ASZ1: variants seen among roughly 807,000 people sequenced by gnomAD.
The protein encoded by ASZ1 is ankyrin repeat, SAM and basic leucine zipper domain-containing protein 1.
A neutral mutation model predicts 61.8 loss-of-function variants in ASZ1; 67 were observed. That is an observed-to-expected ratio of 1.08 (90% CI 0.89 to 1.33). The LOEUF (loss-of-function observed/expected upper bound fraction) is 1.33. Among genes scored for constraint, ASZ1 ranks in the 40% most tolerant of loss-of-function variants. ASZ1 has a pLI of 0.00. For missense variants in ASZ1, 577 were observed against 554.5 expected (o/e 1.04, Z -0.41); for synonymous variants, 193 against 192.7 (o/e 1.00, Z -0.01).
At chr7:117,427,287 T>TG (rs1204611699) in intron 1 of ASZ1, 69 bp downstream of exon 1, 2 of 1,520,368 alleles carry the variant, frequency 1.3e-6, no homozygotes, top group Non-Finnish European at 1.8e-6. Context: ...TTCACGAGGC[T>TG]GGGCCTCGCC....
At chr7:117,387,987 T>C (rs1338391448) in intron 4 of ASZ1, among the ~76,000 whole-genome samples, 1 of 152,180 alleles carries the variant, frequency 6.6e-6, no homozygotes, top group Admixed American at 6.5e-5. Flanking sequence ...CAGTACAGAT[T>C]ATCCAGATTT....
chr7:117,412,546 T>C (rs1775409272), intron 4 of ASZ1, among the ~76,000 whole-genome samples: 1 of 151,898 alleles, frequency 6.6e-6, no homozygotes, highest in Admixed American at 6.6e-5. Context: ...TTTCCAAAGG[T>C]ATCTTCTGTT....
At chr7:117,369,791 G>GC (rs1796014544) in intron 10 of ASZ1, among the ~76,000 whole-genome samples, 1 of 152,156 alleles carries the variant, frequency 6.6e-6, no homozygotes, top group Non-Finnish European at 1.5e-5. Context: ...AAAACAGTGG[G>GC]ATAAAAGAAA....
chr7:117,387,410 C>T (rs1243092625), intron 4 of ASZ1, among the ~76,000 whole-genome samples: 1 of 152,134 alleles, frequency 6.6e-6, no homozygotes, highest in Non-Finnish European at 1.5e-5. Flanking sequence ...ATTAACCATT[C>T]GAATTCAAAT....
intron 10 of ASZ1, among the ~76,000 whole-genome samples, chr7:117,369,086 A>T (rs996488349): frequency 4.6e-5 from 7 of 152,196 alleles, no homozygotes; most frequent in African/African-American, 1.7e-4. Context: ...TATAGGATAG[A>T]TGTTGTTAAT....
intron 11 of ASZ1, 37 bp from the exon 12 acceptor site, chr7:117,367,502 G>C: frequency 7.3e-7 from 1 of 1,370,794 alleles, no homozygotes; most frequent in Non-Finnish European, 9.5e-7. Flanking sequence ...TTAAATAATG[G>C]AAATAACTTT....
rs1176771722 is a variant in ASZ1 at position 117,385,828 on chromosome 7, G to A, written c.441-19C>T. 1.3e-6 allele frequency: 2 copies of A among 1,564,870 alleles called. No homozygotes were observed. Among genetic ancestry groups the A allele is most frequent in the Admixed American group, 1.7e-5 (1 of 59,536 alleles). The stretch of plus-strand genomic sequence containing the variant: ...AAGTCTCCTAAGGAGGAGGAAGAAA[G>A]GAAACATTTGTGTTAATGCTGCCAT... On this transcript the variant is annotated intron_variant, in intron 4 of 12. Transcript: ENST00000284629.
intron 10 of ASZ1, among the ~76,000 whole-genome samples, chr7:117,377,096 C>T (rs954775362): frequency 4.6e-5 from 7 of 151,964 alleles, no homozygotes; most frequent in African/African-American, 1.7e-4. Flanking sequence ...AGTCGAGACA[C>T]AAAAATCAAT....
chr7:117,370,582 CAG>C (rs1212510354), intron 10 of ASZ1, among the ~76,000 whole-genome samples: 1 of 152,018 alleles, frequency 6.6e-6, no homozygotes, highest in Non-Finnish European at 1.5e-5. Flanking sequence ...AGGCTATTAA[CAG>C]AGAATTCAGA....
At chr7:117,375,603 C>G (rs1321981111) in intron 10 of ASZ1, among the ~76,000 whole-genome samples, 1 of 152,030 alleles carries the variant, frequency 6.6e-6, no homozygotes, top group African/African-American at 2.4e-5. Flanking sequence ...CATGTAGCTA[C>G]CGAACCCTTG....
At chr7:117,399,160 G>A (rs940720769) in intron 4 of ASZ1, among the ~76,000 whole-genome samples, 1 of 152,146 alleles carries the variant, frequency 6.6e-6, no homozygotes, top group Non-Finnish European at 1.5e-5. Flanking sequence ...AGCCCAGGAG[G>A]TCGAGGCTGC....
intron 4 of ASZ1, among the ~76,000 whole-genome samples, chr7:117,399,680 T>C (rs1191886754): frequency 6.6e-6 from 1 of 151,994 alleles, no homozygotes; most frequent in African/African-American, 2.4e-5. Flanking sequence ...AGATTAGTGG[T>C]TGCTAAGGGG....
chr7:117,423,530 TAGAA>T (rs1194593271), intron 2 of ASZ1, among the ~76,000 whole-genome samples: 1 of 151,422 alleles, frequency 6.6e-6, no homozygotes, highest in South Asian at 2.1e-4. Context: ...ATAGCAAAGA[TAGAA>T]AGGAAAAGAT....
At chr7:117,377,944 G>A (rs917191912) in intron 10 of ASZ1, among the ~76,000 whole-genome samples, 1 of 151,920 alleles carries the variant, frequency 6.6e-6, no homozygotes, top group Non-Finnish European at 1.5e-5. Context: ...GGGAGGAACA[G>A]CCTTTTCAAT....
intron 6 of ASZ1, 117 bp downstream of exon 6, chr7:117,384,609 A>G: frequency 8.3e-7 from 1 of 1,202,108 alleles, no homozygotes; most frequent in Non-Finnish European, 1.1e-6. Context: ...TTAAACATTT[A>G]ATAATTGCCA....
chr7:117,400,725 T>C (rs904321926), intron 4 of ASZ1, among the ~76,000 whole-genome samples: 2 of 152,210 alleles, frequency 1.3e-5, no homozygotes, highest in Non-Finnish European at 2.9e-5. Flanking sequence ...TAAAACTAGA[T>C]GCTAAGAGGG....
At chr7:117,403,748 G>A (rs1796724197) in intron 4 of ASZ1, among the ~76,000 whole-genome samples, 1 of 152,002 alleles carries the variant, frequency 6.6e-6, no homozygotes, top group South Asian at 2.1e-4. Context: ...ATCCACTATA[G>A]CAGGGGTCCC....
intron 4 of ASZ1, among the ~76,000 whole-genome samples, chr7:117,392,071 G>A (rs1013874091): frequency 1.3e-5 from 2 of 152,184 alleles, no homozygotes; most frequent in African/African-American, 4.8e-5. Context: ...GGGGTTACAG[G>A]TGTGAGCCAC....
chr7:117,393,304 AT>A (rs919331427), intron 4 of ASZ1, among the ~76,000 whole-genome samples: 1 of 152,112 alleles, frequency 6.6e-6, no homozygotes, highest in African/African-American at 2.4e-5. Flanking sequence ...CTATATCTTT[AT>A]TTTTTGTCTA....
Sources: gnomAD v4.1 joint callset for allele counts (sites outside exome capture counted in the v4.1 genomes callset) on GRCh38, gnomAD v4.1.1 for gene constraint, MANE v1.5 for transcripts, NCBI Gene and HGNC (gene_info 2026-07-23, HGNC 2026-07-21) for gene names.